Variants in SLC9A9 observed in about 807,000 individuals in gnomAD.
SLC9A9 encodes the protein sodium/hydrogen exchanger 9.
In SLC9A9, 62 loss-of-function variants were observed where a neutral mutation model predicts 77.8. The observed-to-expected ratio is 0.80, with a 90% CI of 0.65 to 0.98. SLC9A9 has a LOEUF of 0.98. Among genes scored for constraint, SLC9A9 ranks in the 50% least tolerant of loss-of-function variants. The probability of loss-of-function intolerance (pLI) is 0.00; values close to 1 mark genes in which losing one functional copy is unlikely to be tolerated. For missense variants in SLC9A9, 775 were observed against 774.9 expected (o/e 1.00, Z 0.00); for synonymous variants, 320 against 283.5 (o/e 1.13, Z -1.29).
intron 4 of SLC9A9, among the ~76,000 whole-genome samples, chr3:143,750,733 CTA>C (rs35370580): frequency 0.52 from 76,694 of 146,368 alleles, 20,608 homozygotes; most frequent in East Asian, 0.77. Flanking sequence ...AAATATATAT[CTA>C]TATATATATA....
At chr3:143,391,411 T>C (rs1341009176) in intron 12 of SLC9A9, among the ~76,000 whole-genome samples, 3 of 151,966 alleles carry the variant, frequency 2.0e-5, no homozygotes, top group Non-Finnish European at 2.9e-5. Context: ...GAAGGAAAAC[T>C]AAAAAACAAA....
chr3:143,674,461 C>T (rs1343440524), intron 5 of SLC9A9, among the ~76,000 whole-genome samples: 1 of 152,190 alleles, frequency 6.6e-6, no homozygotes, highest in African/African-American at 2.4e-5. Context: ...CAGGGCCTCT[C>T]TTAGATGCTT....
At chr3:143,718,582 T>C (rs1432897566) in intron 4 of SLC9A9, among the ~76,000 whole-genome samples, 1 of 152,166 alleles carries the variant, frequency 6.6e-6, no homozygotes, top group African/African-American at 2.4e-5. Flanking sequence ...GTGAAATGCC[T>C]GGGTTCCACC....
rs2035114228 is a variant in SLC9A9 at position 143,457,442 on chromosome 3, TTCTC to T, written c.1469+9591_1469+9594del. Among the ~76,000 whole-genome samples, 8 of 152,320 alleles carry T rather than the reference TTCTC, an allele frequency of 5.3e-5. No individual in the cohort carries two copies. The South Asian group carries it at 1.7e-3, about 32-fold the overall frequency. The stretch of plus-strand genomic sequence containing the variant: ...TTGGTCATCGATTTTTCTCTACTGT[TTCTC>T]TATTACCAAGTCTATTGATTTCTGC... On this transcript the variant is annotated intron_variant, in intron 12 of 15. Transcript: ENST00000316549.
chr3:143,574,204 T>A lies in SLC9A9; in HGVS notation c.895-11A>T. 6.2e-7 allele frequency: 1 copy of A among 1,606,176 alleles called. No homozygotes were observed. The highest frequency in any genetic ancestry group is 8.5e-7 in the Non-Finnish European group (1 of 1,173,606). On this transcript the variant is annotated splice_polypyrimidine_tract_variant and intron_variant, in intron 7 of 15. Coordinates refer to ENST00000316549, the MANE Select transcript of SLC9A9 (RefSeq NM_173653.4). Reference sequence around the variant, plus strand: ...GGTAAATTTGGTCAAGTGAGGAAGATAAGTTAAGGGAAACAACAACAGCTT... The same window carrying A: ...GGTAAATTTGGTCAAGTGAGGAAGAAAAGTTAAGGGAAACAACAACAGCTT...
chr3:143,405,948 A>G (rs2033967952), intron 12 of SLC9A9, among the ~76,000 whole-genome samples: 1 of 152,204 alleles, frequency 6.6e-6, no homozygotes, highest in Non-Finnish European at 1.5e-5. Flanking sequence ...TTTATTTTAT[A>G]ATTTTCACTG....
chr3:143,493,554 T>C, intron 11 of SLC9A9, 99 bp downstream of exon 11: 1 of 1,029,104 alleles, frequency 9.7e-7, no homozygotes, highest in South Asian at 1.3e-5. Context: ...TAAAGAGAAG[T>C]TGTTTCCCCA....
intron 14 of SLC9A9, among the ~76,000 whole-genome samples, chr3:143,323,890 T>C (rs900685184): frequency 2.0e-5 from 3 of 152,210 alleles, no homozygotes; most frequent in African/African-American, 7.2e-5. Flanking sequence ...ATTTAAAAAA[T>C]GGATTCTTGA....
At chr3:143,556,163 T>C (rs963677321) in intron 8 of SLC9A9, among the ~76,000 whole-genome samples, 2 of 152,204 alleles carry the variant, frequency 1.3e-5, no homozygotes, top group Non-Finnish European at 2.9e-5. Context: ...TATATACCCA[T>C]GCCTGAGTCC....
intron 4 of SLC9A9, among the ~76,000 whole-genome samples, chr3:143,749,527 T>C (rs1280961860): frequency 6.6e-6 from 1 of 152,246 alleles, no homozygotes; most frequent in Non-Finnish European, 1.5e-5. Flanking sequence ...TTATAAGGAC[T>C]AACGCTGAAT....
At chr3:143,270,525 T>A (rs1937868534) in intron 14 of SLC9A9, among the ~76,000 whole-genome samples, 1 of 151,976 alleles carries the variant, frequency 6.6e-6, no homozygotes, top group African/African-American at 2.4e-5. Context: ...TTACAGTAGG[T>A]ATGGGTCAAT....
intron 12 of SLC9A9, among the ~76,000 whole-genome samples, chr3:143,460,059 CCCTTT>C (rs1259290730): frequency 6.6e-6 from 1 of 152,104 alleles, no homozygotes; most frequent in African/African-American, 2.4e-5. Context: ...CACAAATGTC[CCCTTT>C]CCTTTATCTT....
intron 4 of SLC9A9, among the ~76,000 whole-genome samples, chr3:143,776,766 T>C (rs2007705314): frequency 6.6e-6 from 1 of 152,200 alleles, no homozygotes; most frequent in African/African-American, 2.4e-5. Context: ...CCATAAGTAA[T>C]GTTCTAAAGC....
intron 6 of SLC9A9, chr3:143,627,529 G>A (rs1456490714): frequency 1.4e-5 from 4 of 293,676 alleles, no homozygotes; most frequent in Admixed American, 7.3e-5. Context: ...ATGCAGAGGC[G>A]GTGACTCGCA....
intron 9 of SLC9A9, among the ~76,000 whole-genome samples, chr3:143,533,504 T>G (rs2036546679): frequency 6.6e-6 from 1 of 151,952 alleles, no homozygotes; most frequent in East Asian, 1.9e-4. Context: ...ACACAAAAAT[T>G]TGGAAAAATG....
intron 14 of SLC9A9, chr3:143,347,199 T>C (rs2032308615): frequency 6.6e-6 from 1 of 152,098 alleles, no homozygotes; most frequent in African/African-American, 2.4e-5. Context: ...ATCCTAGCTA[T>C]ATTTCATCAT....
At chr3:143,841,961 G>T (rs148221782) in intron 1 of SLC9A9, among the ~76,000 whole-genome samples, 6,275 of 152,120 alleles carry the variant, frequency 0.041, 415 homozygotes, top group African/African-American at 0.14. Context: ...CATCATGTTG[G>T]TCAGGCTGCT....
chr3:143,601,195 C>A (rs1473696756), intron 6 of SLC9A9, among the ~76,000 whole-genome samples: 2 of 152,082 alleles, frequency 1.3e-5, no homozygotes, highest in Non-Finnish European at 2.9e-5. Context: ...CTCCTGACAG[C>A]CTGGCCCTAT....
At chr3:143,821,805 G>T (rs932469745) in intron 2 of SLC9A9, among the ~76,000 whole-genome samples, 1 of 152,192 alleles carries the variant, frequency 6.6e-6, no homozygotes, top group East Asian at 1.9e-4. Context: ...GCCTGCTCCA[G>T]CACTCCACTG....
Sources: allele counts gnomAD v4.1 joint callset (sites outside exome capture counted in the v4.1 genomes callset), GRCh38; gene constraint gnomAD v4.1.1; transcripts MANE v1.5; gene names NCBI Gene and HGNC (gene_info 2026-07-23, HGNC 2026-07-21).